Variants in TRAM2 observed in about 807,000 individuals in gnomAD.
TRAM2 encodes the protein translocating chain-associated membrane protein 2.
TRAM2 carries 12 observed loss-of-function variants against 51.0 expected under a neutral mutation model. The ratio of observed to expected loss-of-function variants is 0.24; its 90% confidence interval spans 0.15 to 0.38. TRAM2 has a LOEUF of 0.38. Ranked by LOEUF, TRAM2 falls within the 10% of genes least tolerant of loss-of-function variation. The pLI is 1.00. For synonymous variants in TRAM2, 175 were observed against 179.4 expected (o/e 0.98, Z 0.20); for missense variants, 361 against 462.0 (o/e 0.78, Z 2.00).
At chr6:52,544,069 G>A (rs751330225) in intron 1 of TRAM2, among the ~76,000 whole-genome samples, 2 of 152,176 alleles carry the variant, frequency 1.3e-5, no homozygotes, top group South Asian at 2.1e-4. Context: ...TAGGCACGTG[G>A]ATTAGAGCCT....
chr6:52,525,951 A>G (rs74513648), intron 2 of TRAM2, among the ~76,000 whole-genome samples: 24,622 of 152,006 alleles, frequency 0.16, 2,042 homozygotes, highest in African/African-American at 0.18. Flanking sequence ...ATGACAAGAG[A>G]CAGGGAGATG....
At chr6:52,540,442 G>A (rs991063514) in intron 1 of TRAM2, among the ~76,000 whole-genome samples, 1 of 152,156 alleles carries the variant, frequency 6.6e-6, no homozygotes, top group Non-Finnish European at 1.5e-5. Flanking sequence ...ATTGGCTAAA[G>A]GTGGCCAGAA....
chr6:52,509,405 G>T, intron 5 of TRAM2, 123 bp downstream of exon 5: 1 of 852,966 alleles, frequency 1.2e-6, no homozygotes, highest in Non-Finnish European at 1.9e-6. Context: ...TCCACAATAG[G>T]CTCAGGGCAT....
At chr6:52,520,020 A>G (rs1457450702) in intron 2 of TRAM2, among the ~76,000 whole-genome samples, 1 of 152,182 alleles carries the variant, frequency 6.6e-6, no homozygotes, top group Non-Finnish European at 1.5e-5. Context: ...GTGCTATTTA[A>G]TGGGTACGGG....
intron 1 of TRAM2, among the ~76,000 whole-genome samples, chr6:52,557,961 G>C (rs1767437738): frequency 6.6e-6 from 1 of 152,130 alleles, no homozygotes; most frequent in African/African-American, 2.4e-5. Context: ...AGAGGAAGCT[G>C]AGCTTGCAAG....
At position 52,576,302 on chromosome 6, in the gene TRAM2, T is replaced by G. The variant is rs1050141512; in HGVS notation, c.120+494A>C. ...ATCCGAGCACGTTCCAGAGCTGAGA[T>G]GCAAAACACCCAGAAAATCACATAG... On this transcript the variant is annotated intron_variant, in intron 1 of 10. Coordinates refer to ENST00000182527, the MANE Select transcript of TRAM2 (RefSeq NM_012288.4). 5.3e-5 allele frequency among the ~76,000 whole-genome samples: 8 copies of G among 152,282 alleles called. No individual in the cohort carries two copies. The East Asian group carries it at 7.7e-4, about 15-fold the overall frequency.
At chr6:52,563,270 A>T (rs550561966) in intron 1 of TRAM2, among the ~76,000 whole-genome samples, 1 of 152,350 alleles carries the variant, frequency 6.6e-6, no homozygotes, top group Non-Finnish European at 1.5e-5. Context: ...TGTTAACTGA[A>T]AAGGCAAGGT....
intron 1 of TRAM2, among the ~76,000 whole-genome samples, chr6:52,548,938 C>T (rs1767259122): frequency 6.6e-6 from 1 of 152,154 alleles, no homozygotes; most frequent in African/African-American, 2.4e-5. Flanking sequence ...TTGGAGATTT[C>T]TGGACCTTCT....
chr6:52,501,159 G>A lies in TRAM2; in HGVS notation c.*2038C>T, dbSNP rs879916668. 3.9e-5 allele frequency: 6 copies of A among 152,266 alleles called. No homozygotes were observed. Among genetic ancestry groups the A allele is most frequent in the Non-Finnish European group, 8.8e-5 (6 of 68,070 alleles). The allele number at this position is 152,266 out of a possible 1,614,324, so 9.4% of individuals were successfully genotyped here. Reference sequence around the variant, plus strand: ...CAACGTTTCTGCTGTGCAGCCCAGAGAAGTGTCAGGGAAGGAGAGGGAGAA... The same window carrying A: ...CAACGTTTCTGCTGTGCAGCCCAGAAAAGTGTCAGGGAAGGAGAGGGAGAA... On this transcript the variant is annotated 3_prime_UTR_variant, in exon 11 of 11. Coordinates refer to ENST00000182527, the MANE Select transcript of TRAM2 (RefSeq NM_012288.4).
At chr6:52,530,996 G>T (rs1009953779) in intron 2 of TRAM2, among the ~76,000 whole-genome samples, 2 of 152,052 alleles carry the variant, frequency 1.3e-5, no homozygotes, top group Non-Finnish European at 2.9e-5. Flanking sequence ...AGTTGGAAAT[G>T]ATGGACCCCC....
In TRAM2 at chr6:52,498,536, G is replaced by T. The variant is rs929166950; in HGVS notation, c.*4661C>A. ...GGGTGGGGAAAATAACGGAGAAGGA[G>T]TTTGCTATGTGGGGCCAGAGGAGAG... On this transcript the variant is annotated 3_prime_UTR_variant, in exon 11 of 11. Transcript: ENST00000182527. 38 of 152,206 alleles carry T rather than the reference G, an allele frequency of 2.5e-4. No individual in the cohort carries two copies. The highest frequency in any genetic ancestry group is 8.4e-4 in the African/African-American group (35 of 41,438). The allele number at this position is 152,206 out of a possible 1,614,324, so 9.4% of individuals were successfully genotyped here. A position where few individuals can be genotyped will look rare whatever the true frequency, so the allele number is the denominator to read the frequency against.
chr6:52,561,498 T>C (rs2114104182), intron 1 of TRAM2, among the ~76,000 whole-genome samples: 2 of 151,218 alleles, frequency 1.3e-5, no homozygotes, highest in South Asian at 4.2e-4. Flanking sequence ...TTTTTTTTTT[T>C]TTTTTGAGAC....
chr6:52,572,175 G>A (rs1359172856), intron 1 of TRAM2, among the ~76,000 whole-genome samples: 2 of 152,192 alleles, frequency 1.3e-5, no homozygotes, highest in African/African-American at 2.4e-5. Flanking sequence ...AAGAGAGTAC[G>A]TGACCCTCCT....
chr6:52,545,343 C>G (rs1354763025), intron 1 of TRAM2, among the ~76,000 whole-genome samples: 2 of 152,164 alleles, frequency 1.3e-5, no homozygotes, highest in Non-Finnish European at 2.9e-5. Context: ...GTCCCCCACC[C>G]GAGGCCCATT....
chr6:52,558,355 G>C (rs1767444661), intron 1 of TRAM2, among the ~76,000 whole-genome samples: 1 of 152,136 alleles, frequency 6.6e-6, no homozygotes, highest in Non-Finnish European at 1.5e-5. Context: ...TGGCCATCCT[G>C]AACTGTAACC....
At position 52,497,518 on chromosome 6, in the gene TRAM2, C is replaced by G. The variant is rs190051243; in HGVS notation, c.*5679G>C. Reference sequence around the variant, plus strand: ...AATTTGTTTTAAAACCAGACAGAAACAGTGGAAAAATGATTTTGAAAAAAA... The same window carrying G: ...AATTTGTTTTAAAACCAGACAGAAAGAGTGGAAAAATGATTTTGAAAAAAA... On this transcript the variant is annotated 3_prime_UTR_variant, in exon 11 of 11. Transcript: ENST00000182527. 6.6e-6 allele frequency: 1 copy of G among 152,562 alleles called. No individual in the cohort carries two copies. The highest frequency in any genetic ancestry group is 6.5e-5 in the Admixed American group (1 of 15,290). The allele number at this position is 152,562 out of a possible 1,614,324, so 9.5% of individuals were successfully genotyped here.
chr6:52,541,516 AGAG>A (rs1048863262), intron 1 of TRAM2, among the ~76,000 whole-genome samples: 16 of 152,222 alleles, frequency 1.1e-4, no homozygotes, highest in Non-Finnish European at 2.4e-4. Context: ...AAACTTTCTA[AGAG>A]GTCTTTCCAG....
intron 8 of TRAM2, 120 bp downstream of exon 8, chr6:52,505,912 G>A (rs1314378856): frequency 5.3e-5 from 73 of 1,385,172 alleles, no homozygotes; most frequent in Non-Finnish European, 2.0e-6. Context: ...ATAACGGGAG[G>A]GCACCACCTG....
At chr6:52,564,061 C>T (rs966616315) in intron 1 of TRAM2, among the ~76,000 whole-genome samples, 4 of 152,024 alleles carry the variant, frequency 2.6e-5, no homozygotes, top group African/African-American at 4.8e-5. Context: ...TTCAAATGAC[C>T]ACCAGCAGCA....
Sources: allele counts gnomAD v4.1 joint callset (sites outside exome capture counted in the v4.1 genomes callset), GRCh38; gene constraint gnomAD v4.1.1; transcripts MANE v1.5; gene names NCBI Gene and HGNC (gene_info 2026-07-23, HGNC 2026-07-21).